CCDC3: variants seen among roughly 807,000 people sequenced by gnomAD.
The protein encoded by CCDC3 is coiled-coil domain-containing protein 3.
A neutral mutation model predicts 21.4 loss-of-function variants in CCDC3; 24 were observed. That is an observed-to-expected ratio of 1.12 (90% CI 0.81 to 1.58). The LOEUF (loss-of-function observed/expected upper bound fraction) is 1.58, where lower values mean the gene tolerates loss of function less well. Among genes scored for constraint, CCDC3 ranks in the 40% most tolerant of loss-of-function variants. The pLI is 0.00. For synonymous variants in CCDC3, 186 were observed against 166.0 expected (o/e 1.12, Z -0.93); for missense variants, 425 against 360.9 (o/e 1.18, Z -1.44).
intron 3 of CCDC3, among the ~76,000 whole-genome samples, chr10:13,076,867 A>G (rs965048259): frequency 6.6e-6 from 1 of 152,224 alleles, no homozygotes; most frequent in Non-Finnish European, 1.5e-5. Flanking sequence ...GTCTGGCTCC[A>G]GCCAATGGAG....
In CCDC3 at chr10:12,964,397, T is replaced by C. The variant is rs188380647; in HGVS notation, c.549+33941A>G. ...TAAAGAAAAAAAAAAAGAGAGAGAA[T>C]GACATTTTCTGTTCTTTATAAAAGC... On this transcript the variant is annotated intron_variant, in intron 2 of 2. Transcript: ENST00000378825. 2.5e-4 allele frequency among the ~76,000 whole-genome samples: 37 copies of C among 150,810 alleles called. No individual in the cohort carries two copies. In the East Asian group the frequency reaches 6.0e-3, roughly 25 times the overall value.
In CCDC3 at chr10:13,001,292, C is replaced by T; in HGVS notation, c.279G>A (p.Val93=). The change falls in exon 1 of 3, where the codon GTG becomes GTA. Residue 93 remains valine, a synonymous_variant. Coordinates refer to ENST00000378825, the MANE Select transcript of CCDC3 (RefSeq NM_031455.4). ...TGAGGTTGAGCCTGGAGCCGGCGGG[C>T]ACCTCCAGCATGCTGCCCCACGCCT... The part of the protein sequence containing the change: ...CDQAWGSMLE[V]PAGSRLNLTG... 1 of 1,605,502 alleles carries T rather than the reference C, an allele frequency of 6.2e-7. No homozygotes were observed. The highest frequency in any genetic ancestry group is 8.5e-7 in the Non-Finnish European group (1 of 1,177,198).
At chr10:12,912,426 TA>T (rs1384964904) in intron 2 of CCDC3, among the ~76,000 whole-genome samples, 1 of 152,238 alleles carries the variant, frequency 6.6e-6, no homozygotes, top group Non-Finnish European at 1.5e-5. Flanking sequence ...GTCGTCTTTC[TA>T]GAGGTCTATT....
intron 2 of CCDC3, among the ~76,000 whole-genome samples, chr10:12,959,695 T>C (rs762124847): frequency 2.6e-5 from 4 of 152,168 alleles, no homozygotes; most frequent in Non-Finnish European, 4.4e-5. Context: ...CCTTGGTTTA[T>C]AGCCAAATAA....
chr10:12,994,289 T>C (rs894217674), intron 2 of CCDC3, among the ~76,000 whole-genome samples: 6 of 151,852 alleles, frequency 4.0e-5, no homozygotes, highest in Non-Finnish European at 7.4e-5. Flanking sequence ...TCCCAGCTAC[T>C]TGGGAGGCTG....
chr10:12,978,018 T>A (rs1835441558), intron 2 of CCDC3, among the ~76,000 whole-genome samples: 1 of 149,456 alleles, frequency 6.7e-6, no homozygotes, highest in Non-Finnish European at 1.5e-5. Flanking sequence ...TTTTCCACAC[T>A]CTTTTTTTTT....
intron 3 of CCDC3, among the ~76,000 whole-genome samples, chr10:13,090,533 C>A (rs894971717): frequency 7.9e-5 from 12 of 152,196 alleles, no homozygotes; most frequent in African/African-American, 2.9e-4. Flanking sequence ...AATCTCTATC[C>A]TGAGGTTCAG....
At chr10:13,062,548 A>T (rs144030268) in intron 4 of CCDC3, among the ~76,000 whole-genome samples, 2 of 152,210 alleles carry the variant, frequency 1.3e-5, no homozygotes, top group South Asian at 4.1e-4. Flanking sequence ...ATTATGACAG[A>T]CAGTGAAAGC....
At chr10:13,096,682 A>G (rs76027263) in intron 3 of CCDC3, among the ~76,000 whole-genome samples, 2,713 of 152,312 alleles carry the variant, frequency 0.018, 94 homozygotes, top group African/African-American at 0.062. Context: ...TCTAGGGAAC[A>G]GTCTCTGCTG....
At chr10:13,096,773 G>A (rs540896930) in intron 3 of CCDC3, among the ~76,000 whole-genome samples, 2 of 152,198 alleles carry the variant, frequency 1.3e-5, no homozygotes, top group African/African-American at 2.4e-5. Flanking sequence ...CTTGCTGTCT[G>A]TCTGGGTGCT....
chr10:12,994,241 T>G (rs1270671967), intron 2 of CCDC3, among the ~76,000 whole-genome samples: 1 of 151,694 alleles, frequency 6.6e-6, no homozygotes, highest in Non-Finnish European at 1.5e-5. Flanking sequence ...CTACAAAAAA[T>G]ACAAAAATTA....
At chr10:12,983,925 CAA>C (rs1835545784) in intron 2 of CCDC3, among the ~76,000 whole-genome samples, 1 of 152,192 alleles carries the variant, frequency 6.6e-6, no homozygotes, top group African/African-American at 2.4e-5. Flanking sequence ...ACTAAAAATA[CAA>C]AAGTTAGCTG....
intron 2 of CCDC3, among the ~76,000 whole-genome samples, chr10:12,913,655 T>A (rs903313225): frequency 5.9e-5 from 9 of 152,280 alleles, no homozygotes; most frequent in African/African-American, 2.2e-4. Context: ...CTTTGTCTTA[T>A]TCCTGATCTT....
intron 3 of CCDC3, among the ~76,000 whole-genome samples, chr10:13,093,368 C>T (rs1365968271): frequency 1.3e-5 from 2 of 152,080 alleles, no homozygotes; most frequent in African/African-American, 4.8e-5. Flanking sequence ...AAAACACCCC[C>T]ATGATTCAAT....
chr10:13,009,251 T>C (rs1414910228), intron 5 of CCDC3, among the ~76,000 whole-genome samples: 3 of 152,152 alleles, frequency 2.0e-5, no homozygotes, highest in Non-Finnish European at 4.4e-5. Context: ...CTACAAAACA[T>C]TACTGAGAGA....
intron 2 of CCDC3, among the ~76,000 whole-genome samples, chr10:12,977,743 T>C (rs149567735): frequency 1.6e-4 from 24 of 152,354 alleles, no homozygotes; most frequent in African/African-American, 4.1e-4. Context: ...TCATCAACCA[T>C]GCTAAGATTT....
intron 5 of CCDC3, among the ~76,000 whole-genome samples, chr10:13,025,332 G>A: frequency 6.6e-6 from 1 of 152,194 alleles, no homozygotes; most frequent in Non-Finnish European, 1.5e-5. Flanking sequence ...GCCTTAAAGT[G>A]CAGGGACCTA....
At chr10:12,970,477 GTA>G (rs1835324858) in intron 2 of CCDC3, among the ~76,000 whole-genome samples, 3 of 152,140 alleles carry the variant, frequency 2.0e-5, no homozygotes, top group African/African-American at 7.2e-5. Context: ...TTGTGAGGTA[GTA>G]TACATGTTAA....
At chr10:12,994,476 G>A (rs1835729405) in intron 2 of CCDC3, among the ~76,000 whole-genome samples, 1 of 151,752 alleles carries the variant, frequency 6.6e-6, no homozygotes, top group African/African-American at 2.4e-5. Context: ...CACATGGGAT[G>A]CCTGCAGGGT....
Sources: allele counts gnomAD v4.1 joint callset (sites outside exome capture counted in the v4.1 genomes callset), GRCh38; gene constraint gnomAD v4.1.1; transcripts MANE v1.5; gene names NCBI Gene and HGNC (gene_info 2026-07-23, HGNC 2026-07-21).